Variants in STK3 observed in about 807,000 individuals in gnomAD.
STK3 encodes the protein serine/threonine-protein kinase 3.
A neutral mutation model predicts 58.0 loss-of-function variants in STK3; 41 were observed. That is an observed-to-expected ratio of 0.71 (90% CI 0.55 to 0.92). The LOEUF (loss-of-function observed/expected upper bound fraction) is 0.92. Ranked by LOEUF, STK3 falls within the 40% of genes least tolerant of loss-of-function variation. The probability of loss-of-function intolerance (pLI) is 0.00; values close to 1 mark genes in which losing one functional copy is unlikely to be tolerated. For missense variants in STK3, 479 were observed against 602.7 expected (o/e 0.79, Z 2.15); for synonymous variants, 170 against 191.0 (o/e 0.89, Z 0.91).
intron 6 of STK3, among the ~76,000 whole-genome samples, chr8:98,657,111 G>A (rs918222139): frequency 6.6e-5 from 10 of 151,878 alleles, no homozygotes; most frequent in African/African-American, 2.4e-4. Flanking sequence ...GAAGAGCTAA[G>A]AAAAAATAAG....
At chr8:98,617,616 A>T (rs1482129185) in intron 6 of STK3, among the ~76,000 whole-genome samples, 1 of 152,146 alleles carries the variant, frequency 6.6e-6, no homozygotes, top group African/African-American at 2.4e-5. Context: ...CACAATAAAA[A>T]ATGATAAAGG....
chr8:98,696,784 T>A (rs993589304), intron 6 of STK3, among the ~76,000 whole-genome samples: 2 of 152,146 alleles, frequency 1.3e-5, no homozygotes, highest in African/African-American at 4.8e-5. Flanking sequence ...GATTTTTGCA[T>A]CAATGTTCAT....
intron 1 of STK3, chr8:98,778,963 T>A (rs1466472606): frequency 6.6e-6 from 1 of 151,966 alleles, no homozygotes; most frequent in Admixed American, 6.6e-5. Flanking sequence ...CACACCAACA[T>A]GGCACATGTA....
chr8:98,763,907 TCA>T (rs1830783940), intron 3 of STK3, among the ~76,000 whole-genome samples: 1 of 152,202 alleles, frequency 6.6e-6, no homozygotes. Flanking sequence ...ACTCCTGACC[TCA>T]GATGATCCAC....
chr8:98,488,175 C>T (rs551401918), intron 10 of STK3, among the ~76,000 whole-genome samples: 7 of 152,268 alleles, frequency 4.6e-5, no homozygotes, highest in South Asian at 2.1e-4. Flanking sequence ...AAAGACTGGG[C>T]GACATGGCTT....
At chr8:98,344,780 C>G in the STK3 span, among the ~76,000 whole-genome samples, 1 of 147,684 alleles carries the variant, frequency 6.8e-6, no homozygotes, top group African/African-American at 2.5e-5. Flanking sequence ...GTAGTCCCAG[C>G]TACTTGGGAG....
rs1297659930 is a variant in STK3, at chr8:98,825,576, G to A, written c.-36C>T. The A allele has an allele frequency of 6.9e-7, 1 of 1,442,838 alleles. No homozygotes were observed. Among genetic ancestry groups the A allele is most frequent in the Non-Finnish European group, 9.2e-7 (1 of 1,092,374 alleles). 89.4% of individuals were successfully genotyped at this position (1,442,838 alleles called of 1,614,324 possible). A position where few individuals can be genotyped will look rare whatever the true frequency, so the allele number is the denominator to read the frequency against. ...GACAGAGAGAGGGACCTGGTGGACGGCGAAGGCCGAAAGGAGGAAAGGAGC... is the reference window on the plus strand; with the variant it reads ...GACAGAGAGAGGGACCTGGTGGACGACGAAGGCCGAAAGGAGGAAAGGAGC... On this transcript the variant is annotated 5_prime_UTR_variant, in exon 1 of 11. Transcript: ENST00000419617.
At chr8:98,863,246 A>T (rs1337901811) in intron 3 of STK3, among the ~76,000 whole-genome samples, 1 of 152,220 alleles carries the variant, frequency 6.6e-6, no homozygotes, top group African/African-American at 2.4e-5. Flanking sequence ...GTTATCATTG[A>T]TAAGAGCAGC....
chr8:98,617,075 C>T (rs1817800471), intron 6 of STK3, among the ~76,000 whole-genome samples: 1 of 151,100 alleles, frequency 6.6e-6, no homozygotes, highest in Non-Finnish European at 1.5e-5. Flanking sequence ...AAGCTCTCCT[C>T]AGCAAATGTA....
At chr8:98,694,629 C>T (rs1174559709) in intron 6 of STK3, among the ~76,000 whole-genome samples, 1 of 152,160 alleles carries the variant, frequency 6.6e-6, no homozygotes, top group Non-Finnish European at 1.5e-5. Flanking sequence ...CGATAGTTTA[C>T]TGAGAATCAT....
chr8:98,513,791 C>T (rs965018248), intron 10 of STK3, among the ~76,000 whole-genome samples: 10 of 152,054 alleles, frequency 6.6e-5, no homozygotes, highest in Middle Eastern at 3.2e-3. Flanking sequence ...TATGAGAGAA[C>T]CAGGACTGGG....
the STK3 span, among the ~76,000 whole-genome samples, chr8:98,347,449 A>G: frequency 6.6e-6 from 1 of 151,702 alleles, no homozygotes; most frequent in African/African-American, 2.4e-5. Flanking sequence ...CAGGAGGCAG[A>G]GCTTGCAGTG....
At chr8:98,552,291 T>C (rs1209647544) in intron 8 of STK3, among the ~76,000 whole-genome samples, 4 of 152,138 alleles carry the variant, frequency 2.6e-5, no homozygotes, top group Non-Finnish European at 5.9e-5. Flanking sequence ...CATAGGCAGA[T>C]TGATCCCTTC....
chr8:98,584,194 C>A (rs983183544), intron 7 of STK3, among the ~76,000 whole-genome samples: 1 of 151,852 alleles, frequency 6.6e-6, no homozygotes. Context: ...GTGCGCTGCA[C>A]CCACTAACTT....
At chr8:98,349,243 G>A in the STK3 span, among the ~76,000 whole-genome samples, 1 of 152,184 alleles carries the variant, frequency 6.6e-6, no homozygotes, top group East Asian at 1.9e-4. Flanking sequence ...TCAGGGGTTG[G>A]GAGAGGGAGA....
chr8:98,583,872 T>C (rs1188400512), intron 7 of STK3, among the ~76,000 whole-genome samples: 1 of 151,194 alleles, frequency 6.6e-6, no homozygotes, highest in Non-Finnish European at 1.5e-5. Context: ...TGTGTGTGTG[T>C]GTAAGAGAGA....
chr8:98,938,133 GACTC>G (rs1165607253), intron 1 of STK3, among the ~76,000 whole-genome samples: 1 of 150,766 alleles, frequency 6.6e-6, no homozygotes, highest in Non-Finnish European at 1.5e-5. Flanking sequence ...TCCCTGCACT[GACTC>G]ACTAAAATTA....
chr8:98,824,828 TG>T (rs1304935588), intron 1 of STK3, among the ~76,000 whole-genome samples: 1 of 152,212 alleles, frequency 6.6e-6, no homozygotes, highest in Non-Finnish European at 1.5e-5. Flanking sequence ...AAGTTAAAAA[TG>T]AAAGACTGAG....
At chr8:98,679,629 C>T (rs922358823) in intron 6 of STK3, among the ~76,000 whole-genome samples, 5 of 152,142 alleles carry the variant, frequency 3.3e-5, no homozygotes, top group African/African-American at 1.2e-4. Context: ...ATCCCTAGTA[C>T]CTAGAATAGT....
Sources: gnomAD v4.1 joint callset for allele counts (sites outside exome capture counted in the v4.1 genomes callset) on GRCh38, gnomAD v4.1.1 for gene constraint, MANE v1.5 for transcripts, NCBI Gene and HGNC (gene_info 2026-07-23, HGNC 2026-07-21) for gene names.